CDKL2: variants seen among roughly 807,000 people sequenced by gnomAD.
CDKL2 encodes the protein cyclin-dependent kinase-like 2.
A neutral mutation model predicts 63.9 loss-of-function variants in CDKL2; 64 were observed. The observed-to-expected ratio is 1.00, with a 90% confidence interval of 0.82 to 1.23. The LOEUF is 1.23. Among genes scored for constraint, CDKL2 ranks in the 50% most tolerant of loss-of-function variants. CDKL2 has a pLI of 0.00. For missense variants in CDKL2, 656 were observed against 668.0 expected (o/e 0.98, Z 0.20); for synonymous variants, 211 against 229.2 (o/e 0.92, Z 0.72).
chr4:75,603,651 C>T (rs969862183), intron 6 of CDKL2, among the ~76,000 whole-genome samples, 166 bp downstream of exon 6: 1 of 140,916 alleles, frequency 7.1e-6, no homozygotes, highest in Non-Finnish European at 1.5e-5. Context: ...AATGGTGAAG[C>T]TTGCAGTGAG....
At chr4:75,584,828 C>T (rs2148859155) in intron 12 of CDKL2, among the ~76,000 whole-genome samples, 1 of 152,298 alleles carries the variant, frequency 6.6e-6, no homozygotes, top group Middle Eastern at 3.4e-3. Context: ...CAATTTAAAA[C>T]TTAAGAACTG....
In CDKL2 at chr4:75,617,155, T is replaced by C. The variant is rs547848162; in HGVS notation, c.169-2706A>G. ...AAACCCCATGACACATGTTTACCTATGTAACAAACCTGTACATCCTGCACA... is the reference window on the plus strand; with the variant it reads ...AAACCCCATGACACATGTTTACCTACGTAACAAACCTGTACATCCTGCACA... On this transcript the variant is annotated intron_variant, in intron 2 of 13. Transcript: ENST00000307465. Among the ~76,000 whole-genome samples the C allele has an allele frequency of 4.6e-5, 7 of 152,272 alleles. No individual in the cohort carries two copies. In the South Asian group the frequency reaches 1.4e-3, roughly 32 times the overall value.
At chr4:75,595,364 C>T (rs766775001) in intron 10 of CDKL2, among the ~76,000 whole-genome samples, 2 of 151,928 alleles carry the variant, frequency 1.3e-5, no homozygotes, top group Non-Finnish European at 2.9e-5. Flanking sequence ...TCATGTGCCA[C>T]CATACCCAGC....
intron 2 of CDKL2, among the ~76,000 whole-genome samples, chr4:75,622,412 C>A (rs928530214): frequency 1.3e-5 from 2 of 151,810 alleles, no homozygotes; most frequent in African/African-American, 4.8e-5. Flanking sequence ...ATACTAATGA[C>A]GAAGTGTATG....
At chr4:75,580,059 G>A (rs1728194934) in intron 13 of CDKL2, among the ~76,000 whole-genome samples, 1 of 152,076 alleles carries the variant, frequency 6.6e-6, no homozygotes, top group Admixed American at 6.5e-5. Flanking sequence ...ATCACCTGAG[G>A]TCAGGAGTTC....
chr4:75,615,280 A>G (rs185464100), intron 2 of CDKL2, among the ~76,000 whole-genome samples: 6 of 152,310 alleles, frequency 3.9e-5, no homozygotes, highest in Admixed American at 1.3e-4. Flanking sequence ...AACCTCCTAC[A>G]AATAGTCCTC....
chr4:75,606,534 T>G (rs758516611), intron 4 of CDKL2, among the ~76,000 whole-genome samples: 1 of 152,192 alleles, frequency 6.6e-6, no homozygotes, highest in Non-Finnish European at 1.5e-5. Flanking sequence ...ATTTTGAAAC[T>G]ATCTTAAAAA....
chr4:75,600,368 T>G lies in CDKL2; in HGVS notation c.797A>C (p.Lys266Thr). The stretch of plus-strand genomic sequence containing the variant: ...TTTGTCGGGGTCAATATGTAAGCAT[T>G]TCTGAAAAATTAAGAACACTTAGAG... ...LSEVVIDLAK[K>T]CLHIDPDKRP... The change falls in exon 7 of 14, where the codon AAA becomes ACA. Residue 266 changes from lysine (K) to threonine (T), a missense_variant and splice_region_variant. By Grantham distance (78) the Lys-to-Thr change is moderately conservative. Coordinates refer to ENST00000307465, the MANE Select transcript of CDKL2 (RefSeq NM_001330724.2). The G allele has an allele frequency of 6.9e-6, 11 of 1,598,892 alleles. No individual in the cohort carries two copies. Among genetic ancestry groups the G allele is most frequent in the Non-Finnish European group, 9.4e-6 (11 of 1,167,846 alleles).
intron 10 of CDKL2, among the ~76,000 whole-genome samples, chr4:75,595,203 CT>C (rs71203830): frequency 0.23 from 31,717 of 135,038 alleles, 3,270 homozygotes; most frequent in Middle Eastern, 0.35. Flanking sequence ...TTTCTTTCTT[CT>C]TTTTTTTTTT....
intron 3 of CDKL2, among the ~76,000 whole-genome samples, chr4:75,607,873 C>T (rs975309040): frequency 1.3e-5 from 2 of 152,120 alleles, no homozygotes; most frequent in Non-Finnish European, 2.9e-5. Context: ...AGTGCAGTGG[C>T]GCGATCTCGG....
chr4:75,614,019 T>C (rs1270861589), intron 3 of CDKL2, among the ~76,000 whole-genome samples: 3 of 152,160 alleles, frequency 2.0e-5, no homozygotes, highest in Admixed American at 1.3e-4. Context: ...ATCTTGCCAC[T>C]GCACTCCAGC....
At chr4:75,581,657 T>C (rs886495343) in intron 13 of CDKL2, among the ~76,000 whole-genome samples, 153 bp downstream of exon 13, 1 of 152,234 alleles carries the variant, frequency 6.6e-6, no homozygotes, top group African/African-American at 2.4e-5. Flanking sequence ...ATACTACTTC[T>C]GGTTTTCTAA....
intron 1 of CDKL2, among the ~76,000 whole-genome samples, chr4:75,628,495 T>G (rs2148921429): frequency 6.6e-6 from 1 of 152,306 alleles, no homozygotes; most frequent in Non-Finnish European, 1.5e-5. Flanking sequence ...TACCAATGAT[T>G]GACGAAGGTC....
At chr4:75,594,909 C>G (rs78498695) in intron 10 of CDKL2, among the ~76,000 whole-genome samples, 1,946 of 152,094 alleles carry the variant, frequency 0.013, 45 homozygotes, top group African/African-American at 0.045. Context: ...CTTATAGACC[C>G]TATAAGGACT....
At chr4:75,615,912 G>A (rs987183270) in intron 2 of CDKL2, among the ~76,000 whole-genome samples, 1 of 152,160 alleles carries the variant, frequency 6.6e-6, no homozygotes, top group Admixed American at 6.5e-5. Context: ...AATCACTTAA[G>A]CCCACGAGTT....
In CDKL2 at chr4:75,597,084, T is replaced by A; in HGVS notation, c.1173A>T (p.Ser391=). 6.2e-7 allele frequency: 1 copy of A among 1,614,210 alleles called. No homozygotes were observed. The highest frequency in any genetic ancestry group is 1.1e-5 in the South Asian group (1 of 91,084). The change falls in exon 9 of 14, where the codon TCA becomes TCT. Residue 391 remains serine, a synonymous_variant. Coordinates refer to ENST00000307465, the MANE Select transcript of CDKL2 (RefSeq NM_001330724.2). ...SRTSHNKIVP[S]TSLKDCSNVS... ...CATTGCTGCAGTCTTTGAGGCTTGT[T>A]GAAGGCACTATTTTGTTGTGGCTTG...
At chr4:75,622,083 T>C (rs191624783) in intron 2 of CDKL2, among the ~76,000 whole-genome samples, 8 of 152,232 alleles carry the variant, frequency 5.3e-5, no homozygotes, top group Admixed American at 2.6e-4. Flanking sequence ...ATAAGTCAAG[T>C]TTGTATATTA....
At chr4:75,613,074 G>C (rs2148899518) in intron 3 of CDKL2, among the ~76,000 whole-genome samples, 1 of 151,728 alleles carries the variant, frequency 6.6e-6, no homozygotes, top group Non-Finnish European at 1.5e-5. Flanking sequence ...GCCGTGAGCC[G>C]AGATCGCGCC....
At chr4:75,609,289 A>T (rs1729570075) in intron 3 of CDKL2, among the ~76,000 whole-genome samples, 1 of 152,112 alleles carries the variant, frequency 6.6e-6, no homozygotes, top group Non-Finnish European at 1.5e-5. Flanking sequence ...TAAGAATAAA[A>T]CAGGATGCTG....
Sources: allele counts gnomAD v4.1 joint callset (sites outside exome capture counted in the v4.1 genomes callset), GRCh38; gene constraint gnomAD v4.1.1; transcripts MANE v1.5; gene names NCBI Gene and HGNC (gene_info 2026-07-23, HGNC 2026-07-21).